Variants in PSG6 observed in about 807,000 individuals in gnomAD.
PSG6 encodes the protein pregnancy-specific beta-1-glycoprotein 6.
Under a neutral mutation model 43.3 loss-of-function variants are expected in PSG6, and 51 were observed. That is an observed-to-expected ratio of 1.18 (90% CI 0.94 to 1.49). The LOEUF (loss-of-function observed/expected upper bound fraction) is 1.49, where lower values mean the gene tolerates loss of function less well. Ranked by LOEUF, PSG6 falls within the 40% of genes most tolerant of loss-of-function variation. The pLI is 0.00. For synonymous variants in PSG6, 292 were observed against 197.6 expected (o/e 1.48, Z -4.01); for missense variants, 770 against 522.2 (o/e 1.47, Z -4.62).
At position 42,907,317 on chromosome 19, in the gene PSG6, C is replaced by G. The variant is rs371208860; in HGVS notation, c.986-141G>C. On this transcript the variant is annotated intron_variant, in intron 4 of 5. Transcript: ENST00000187910. Reference sequence around the variant, plus strand: ...AAATCCCATCTATGTTTACTAAGCCCAAGCCTGAGGTATTCCCCTGTTTCT... The same window carrying G: ...AAATCCCATCTATGTTTACTAAGCCGAAGCCTGAGGTATTCCCCTGTTTCT... 1.3e-3 allele frequency: 1,883 copies of G among 1,476,094 alleles called. 61 individuals carry two copies. In the African/African-American group the frequency reaches 0.024, roughly 19 times the overall value. 91.4% of individuals were successfully genotyped at this position (1,476,094 alleles called of 1,614,324 possible).
At chr19:42,913,927 C>T (rs1376162269) in intron 2 of PSG6, among the ~76,000 whole-genome samples, 1 of 151,708 alleles carries the variant, frequency 6.6e-6, no homozygotes, top group Non-Finnish European at 1.5e-5. Flanking sequence ...ACACCTGATC[C>T]ACTGGGGAGG....
At chr19:42,912,146 C>A (rs1972239513) in intron 2 of PSG6, among the ~76,000 whole-genome samples, 1 of 151,638 alleles carries the variant, frequency 6.6e-6, no homozygotes, top group Non-Finnish European at 1.5e-5. Context: ...CGAGTGAGCA[C>A]TTCTTTTTAG....
In PSG6 at chr19:42,917,869, T is replaced by C. The variant is rs1276053014; in HGVS notation, c.-77A>G. The C allele has an allele frequency of 6.5e-7, 1 of 1,530,270 alleles. No individual in the cohort carries two copies. Among genetic ancestry groups the C allele is most frequent in the Non-Finnish European group, 8.9e-7 (1 of 1,124,614 alleles). The allele number at this position is 1,530,270 out of a possible 1,614,324, so 94.8% of individuals were successfully genotyped here. On this transcript the variant is annotated 5_prime_UTR_variant, in exon 1 of 6. Transcript: ENST00000187910. ...AGACTTCCTGAGCAGGGCTGTCAGG[T>C]GTGCTGTCCTTCCTCCTTCTGTGCT... is the stretch of plus-strand genomic sequence containing the variant.
chr19:42,909,579 T>A (rs1972179631), intron 3 of PSG6: 1 of 151,788 alleles, frequency 6.6e-6, no homozygotes, highest in South Asian at 2.1e-4. Flanking sequence ...GATATCGTCT[T>A]TAATTTCTTT....
chr19:42,910,800 C>T lies in PSG6; in HGVS notation c.486G>A (p.Glu162=), dbSNP rs778366621. The T allele has an allele frequency of 6.8e-6, 11 of 1,612,220 alleles. 1 individual carries two copies. Among genetic ancestry groups the T allele is most frequent in the Non-Finnish European group, 8.5e-6 (10 of 1,179,172 alleles). Reference sequence around the variant, plus strand: ...CAGGATCACAGATTAAGCGCACAGCCTCCATGACCTCCCTGGGGTTTAAGT... The same window carrying T: ...CAGGATCACAGATTAAGCGCACAGCTTCCATGACCTCCCTGGGGTTTAAGT... ...SSNLNPREVM[E]AVRLICDPET... is the part of the protein sequence containing the mutation. Residue 162 remains glutamate, a synonymous_variant, in exon 3 of 6, where the codon GAG becomes GAA. Transcript: ENST00000187910.
intron 1 of PSG6, among the ~76,000 whole-genome samples, chr19:42,916,758 C>G (rs1175475187): frequency 6.6e-6 from 1 of 151,070 alleles, no homozygotes; most frequent in Non-Finnish European, 1.5e-5. Flanking sequence ...TCCTCTTCCC[C>G]AGGGGTCCGC....
intron 5 of PSG6, among the ~76,000 whole-genome samples, chr19:42,903,919 A>AG (rs1600537832): frequency 6.6e-6 from 1 of 151,600 alleles, no homozygotes; most frequent in East Asian, 1.9e-4. Flanking sequence ...AGAAAAAGAA[A>AG]AAAGAAAAAT....
At chr19:42,910,106 G>C (rs1017708718) in intron 3 of PSG6, 1 of 218,670 alleles carries the variant, frequency 4.6e-6, no homozygotes, top group Admixed American at 5.2e-5. Flanking sequence ...TGAGGCAGGA[G>C]AGCTTGGGGA....
chr19:42,903,708 G>A, intron 5 of PSG6: 1 of 1,524,288 alleles, frequency 6.6e-7, no homozygotes, highest in East Asian at 2.5e-5. Flanking sequence ...AGGTAACCTG[G>A]GGAGATGCTG....
rs1972118074 is a variant in PSG6, at chr19:42,906,695, C to G, written c.1240+227G>C. 7.5e-6 allele frequency: 11 copies of G among 1,458,506 alleles called. No individual in the cohort carries two copies. The Admixed American group carries it at 7.6e-5, about 10-fold the overall frequency. 90.3% of individuals were successfully genotyped at this position (1,458,506 alleles called of 1,614,324 possible). A position where few individuals can be genotyped will look rare whatever the true frequency, so the allele number is the denominator to read the frequency against. On this transcript the variant is annotated intron_variant, in intron 5 of 5. Transcript: ENST00000187910. ...ATAGGGCTCAGGGCTGATAAAGCCC[C>G]CTCCCTACCTTTCTCAGGCCAGACA...
At chr19:42,914,580 G>A (rs56298672) in intron 2 of PSG6, among the ~76,000 whole-genome samples, 104,167 of 149,286 alleles carry the variant, frequency 0.7, 38,038 homozygotes, top group East Asian at 1. Flanking sequence ...CTTCAGAGTT[G>A]CATGAGGTGG....
chr19:42,911,458 G>A (rs1436558652), intron 2 of PSG6, among the ~76,000 whole-genome samples: 3 of 151,628 alleles, frequency 2.0e-5, no homozygotes, highest in South Asian at 2.1e-4. Flanking sequence ...AGTTTTCCAG[G>A]TGTCTCATAG....
chr19:42,910,997 A>G, intron 2 of PSG6, 139 bp from the exon 3 acceptor site: 2 of 1,476,058 alleles, frequency 1.4e-6, no homozygotes, highest in Admixed American at 4.6e-5. Context: ...GTGTGTTACA[A>G]GACAGATGCA....
intron 1 of PSG6, among the ~76,000 whole-genome samples, chr19:42,917,350 T>G (rs1050260378): frequency 6.8e-6 from 1 of 146,408 alleles, no homozygotes; most frequent in Admixed American, 7.0e-5. Context: ...TTTTTTTCTT[T>G]CTTCTTTTTA....
chr19:42,907,906 G>A, intron 3 of PSG6, 52 bp from the exon 4 acceptor site: 1 of 1,594,394 alleles, frequency 6.3e-7, no homozygotes, highest in Non-Finnish European at 8.6e-7. Flanking sequence ...TTCCTCCACA[G>A]GCATCCTTCA....
intron 5 of PSG6, among the ~76,000 whole-genome samples, chr19:42,905,867 G>A (rs1972102998): frequency 6.6e-6 from 1 of 151,556 alleles, no homozygotes; most frequent in African/African-American, 2.4e-5. Flanking sequence ...AGTTAGAATA[G>A]CCAGTTACAT....
intron 5 of PSG6, among the ~76,000 whole-genome samples, chr19:42,904,113 T>C (rs1186698652): frequency 6.6e-6 from 1 of 151,642 alleles, no homozygotes; most frequent in African/African-American, 2.4e-5. Flanking sequence ...TTCAGTATTT[T>C]TTCATAATAA....
chr19:42,916,203 C>T lies in PSG6; in HGVS notation c.349G>A (p.Gly117Arg). 1 of 1,612,194 alleles carries T rather than the reference C, an allele frequency of 6.2e-7. No individual in the cohort carries two copies. Among genetic ancestry groups the T allele is most frequent in the Non-Finnish European group, 8.5e-7 (1 of 1,179,094 alleles). ...TTTATGATGTGTAAGGTGTAGGATCCTGCATCCTCCTGTGTGACATTCTGG... is the reference window on the plus strand; with the variant it reads ...TTTATGATGTGTAAGGTGTAGGATCTTGCATCCTCCTGTGTGACATTCTGG... ...LIQNVTQEDA[G>R]SYTLHIIKRG... Residue 117 changes from glycine (G) to arginine (R), a missense_variant, in exon 2 of 6, where the codon GGA (glycine) becomes AGA (arginine). Physicochemically the swap from Gly to Arg is moderately radical, Grantham distance 125 (BLOSUM62 -2). Transcript: ENST00000187910.
chr19:42,906,648 T>C (rs1417455575), intron 5 of PSG6: 1 of 1,394,886 alleles, frequency 7.2e-7, no homozygotes, highest in African/African-American at 1.5e-5. Flanking sequence ...TTCTTGTCCC[T>C]CTGTGAAGCC....
Sources: gnomAD v4.1 joint callset for allele counts (sites outside exome capture counted in the v4.1 genomes callset) on GRCh38, gnomAD v4.1.1 for gene constraint, MANE v1.5 for transcripts, NCBI Gene and HGNC (gene_info 2026-07-23, HGNC 2026-07-21) for gene names.